PKNOX2: variants seen among roughly 807,000 people sequenced by gnomAD.
PKNOX2 encodes the protein homeobox protein PKNOX2.
PKNOX2 carries 14 observed loss-of-function variants against 53.1 expected under a neutral mutation model. That is an observed-to-expected ratio of 0.26 (90% confidence interval 0.17 to 0.41). PKNOX2 has a LOEUF of 0.41. Ranked by LOEUF, PKNOX2 falls within the 10% of genes least tolerant of loss-of-function variation. The pLI is 1.00. For missense variants in PKNOX2, 496 were observed against 602.8 expected, an observed-to-expected ratio of 0.82 and a Z score of 1.85; for synonymous variants, 257 against 242.8, an observed-to-expected ratio of 1.06 and a Z score of -0.54.
At chr11:125,332,257 A>G (rs1198513790) in intron 3 of PKNOX2, among the ~76,000 whole-genome samples, 1 of 146,620 alleles carries the variant, frequency 6.8e-6, no homozygotes, top group African/African-American at 2.5e-5. Flanking sequence ...TGGAGCAAAC[A>G]TTATCACCCA....
intron 1 of PKNOX2, among the ~76,000 whole-genome samples, chr11:125,232,492 T>G (rs7924790): frequency 0.028 from 4,282 of 152,310 alleles, 200 homozygotes; most frequent in African/African-American, 0.097. Flanking sequence ...GGGCATTAAG[T>G]AACTTGCCCA....
At chr11:125,287,284 G>C (rs559103080) in intron 2 of PKNOX2, among the ~76,000 whole-genome samples, 1 of 152,288 alleles carries the variant, frequency 6.6e-6, no homozygotes, top group Non-Finnish European at 1.5e-5. Context: ...ACACCGTGCT[G>C]TTTAGAAGGT....
chr11:125,248,596 A>G, intron 2 of PKNOX2, among the ~76,000 whole-genome samples: 1 of 150,408 alleles, frequency 6.6e-6, no homozygotes, highest in East Asian at 1.9e-4. Context: ...AACATATAAT[A>G]TAGATGTATT....
chr11:125,178,696 G>GAGAA (rs61132513), intron 1 of PKNOX2, among the ~76,000 whole-genome samples: 4,546 of 70,308 alleles, frequency 0.065, 357 homozygotes, highest in African/African-American at 0.099. Context: ...GAGAGAGAGA[G>GAGAA]AGAAAGAAAG....
chr11:125,214,585 G>A (rs1185097875), intron 1 of PKNOX2, among the ~76,000 whole-genome samples: 2 of 152,032 alleles, frequency 1.3e-5, no homozygotes, highest in African/African-American at 2.4e-5. Context: ...CCCTGCCTGG[G>A]TGCAAGTTGA....
chr11:125,178,642 GAAA>G (rs1955912509), intron 1 of PKNOX2, among the ~76,000 whole-genome samples: 1 of 95,260 alleles, frequency 1.0e-5, no homozygotes, highest in African/African-American at 7.2e-5. Context: ...AAGAAAGAAA[GAAA>G]GAAGGAAGGA....
rs1565508191 is a variant in PKNOX2, at chr11:125,367,897, GC to G, written c.144del (p.Ser49GlnfsTer35). The G allele has an allele frequency of 6.2e-7, 1 of 1,613,532 alleles. No individual in the cohort carries two copies. The highest frequency in any genetic ancestry group is 1.7e-5 in the Admixed American group (1 of 59,978). On this transcript the variant is annotated frameshift_variant, in exon 5 of 13. Transcript: ENST00000298282. LOFTEE classifies it high-confidence loss of function. ...CAAGGCCCAGGCTGTCCACATCTCT[GC>G]CCCCTCAGCTGCTGCCAGCACACCT... ...PSKAQAVHIS[A>X]PSAAASTPVP...
At chr11:125,338,893 C>A (rs1471499183) in intron 3 of PKNOX2, among the ~76,000 whole-genome samples, 2 of 152,240 alleles carry the variant, frequency 1.3e-5, no homozygotes, top group African/African-American at 4.8e-5. Context: ...AAAGGCAGGA[C>A]TCTTTCTTTC....
chr11:125,423,828 T>G (rs1365916640), intron 10 of PKNOX2, among the ~76,000 whole-genome samples: 1 of 152,136 alleles, frequency 6.6e-6, no homozygotes, highest in Non-Finnish European at 1.5e-5. Flanking sequence ...GCTGGCATTG[T>G]GAAGCATAGA....
chr11:125,296,827 G>A (rs1202280576), intron 2 of PKNOX2, among the ~76,000 whole-genome samples: 1 of 152,048 alleles, frequency 6.6e-6, no homozygotes, highest in African/African-American at 2.4e-5. Flanking sequence ...GTAGAGACGG[G>A]GTTTCACCAT....
chr11:125,255,763 C>T (rs1326551039), intron 2 of PKNOX2, among the ~76,000 whole-genome samples: 1 of 152,016 alleles, frequency 6.6e-6, no homozygotes, highest in Non-Finnish European at 1.5e-5. Context: ...TGGAAGTCGC[C>T]CTGCCAAATG....
intron 2 of PKNOX2, among the ~76,000 whole-genome samples, chr11:125,304,262 G>C (rs974657209): frequency 3.3e-5 from 5 of 152,258 alleles, no homozygotes; most frequent in African/African-American, 1.2e-4. Context: ...GCCCTGAAAA[G>C]ACGTTCCATT....
At chr11:125,235,357 T>C (rs921181958) in intron 2 of PKNOX2, among the ~76,000 whole-genome samples, 1 of 152,228 alleles carries the variant, frequency 6.6e-6, no homozygotes, top group East Asian at 1.9e-4. Flanking sequence ...GTGGACTTGA[T>C]GTGTTACATG....
chr11:125,213,979 C>T (rs561195950), intron 1 of PKNOX2, among the ~76,000 whole-genome samples: 2 of 152,192 alleles, frequency 1.3e-5, no homozygotes, highest in African/African-American at 4.8e-5. Flanking sequence ...TGCCAGCTGC[C>T]CGGCTTGGCC....
chr11:125,208,603 C>T (rs1565469647), intron 1 of PKNOX2, among the ~76,000 whole-genome samples: 1 of 151,764 alleles, frequency 6.6e-6, no homozygotes. Flanking sequence ...ATATGAGAGA[C>T]GTATGTGGAA....
Position 125,203,229 on chromosome 11 carries a change from C to G in PKNOX2, c.-200-31816C>G, listed in dbSNP as rs893974. On this transcript the variant is annotated intron_variant, in intron 1 of 12. Coordinates refer to ENST00000298282, the MANE Select transcript of PKNOX2 (RefSeq NM_001382323.2). ...ACCAGCTGGGTCCAAGCAATCCTCCCGCCTCAGACTCGCGAGTAGCTCAGA... is the reference window on the plus strand; with the variant it reads ...ACCAGCTGGGTCCAAGCAATCCTCCGGCCTCAGACTCGCGAGTAGCTCAGA... 6.1e-3 allele frequency among the ~76,000 whole-genome samples: 928 copies of G among 152,268 alleles called. 39 individuals carry two copies. The highest frequency in any genetic ancestry group is 0.058 in the Admixed American group (885 of 15,306).
At chr11:125,282,379 A>G (rs1385963103) in intron 2 of PKNOX2, among the ~76,000 whole-genome samples, 1 of 152,216 alleles carries the variant, frequency 6.6e-6, no homozygotes, top group Non-Finnish European at 1.5e-5. Context: ...GTTCACCACC[A>G]GGACTGGCAC....
At chr11:125,341,965 G>A (rs1193880109) in intron 3 of PKNOX2, among the ~76,000 whole-genome samples, 1 of 152,214 alleles carries the variant, frequency 6.6e-6, no homozygotes, top group Non-Finnish European at 1.5e-5. Flanking sequence ...CAGCCTGGCT[G>A]GGCAGCCTTT....
At chr11:125,269,608 T>C (rs780645073) in intron 2 of PKNOX2, among the ~76,000 whole-genome samples, 2 of 152,190 alleles carry the variant, frequency 1.3e-5, no homozygotes, top group Non-Finnish European at 2.9e-5. Flanking sequence ...GTTTCTTCTT[T>C]GTGTGCTTTT....
Sources: allele counts gnomAD v4.1 joint callset (sites outside exome capture counted in the v4.1 genomes callset), GRCh38; gene constraint gnomAD v4.1.1; transcripts MANE v1.5; gene names NCBI Gene and HGNC (gene_info 2026-07-23, HGNC 2026-07-21).